BCAS1: variants seen among roughly 807,000 people sequenced by gnomAD.
BCAS1 encodes brain enriched myelin associated protein 1.
In BCAS1, 46 loss-of-function variants were observed where a neutral mutation model predicts 65.4. The ratio of observed to expected loss-of-function variants is 0.70; its 90% CI spans 0.55 to 0.90. The LOEUF is 0.90. Among genes scored for constraint, BCAS1 ranks in the 40% least tolerant of loss-of-function variants. The pLI is 0.00. For missense variants in BCAS1, 793 were observed against 771.2 expected, an observed-to-expected ratio of 1.03 and a Z score of -0.33; for synonymous variants, 298 against 293.5, an observed-to-expected ratio of 1.02 and a Z score of -0.16.
In BCAS1 at chr20:54,043,749, C is replaced by T. The variant is rs374113318; in HGVS notation, c.142+14336G>A. Among the ~76,000 whole-genome samples the T allele has an allele frequency of 1.5e-4, 23 of 152,288 alleles. 1 individual carries two copies. Among genetic ancestry groups the T allele is most frequent in the East Asian group, 7.7e-4 (4 of 5,180 alleles). On this transcript the variant is annotated intron_variant, in intron 3 of 12. Coordinates refer to ENST00000688948, the MANE Select transcript of BCAS1 (RefSeq NM_001366298.2). ...TTTCTGACTCAGGAGGTCTGGGCTCCGGCTACAGAAACTGCACATCTAACC... is the reference window on the plus strand; with the variant it reads ...TTTCTGACTCAGGAGGTCTGGGCTCTGGCTACAGAAACTGCACATCTAACC...
intron 12 of BCAS1, among the ~76,000 whole-genome samples, chr20:53,951,696 C>G (rs1161087282): frequency 6.6e-6 from 1 of 152,212 alleles, no homozygotes; most frequent in Non-Finnish European, 1.5e-5. Flanking sequence ...TTTGAGAAGA[C>G]TTGCGTTGGC....
At chr20:54,058,593 CTTTTTTTTT>C in intron 2 of BCAS1, 45 bp downstream of exon 2, 5 of 1,223,962 alleles carry the variant, frequency 4.1e-6, no homozygotes, top group Admixed American at 2.8e-5. Context: ...ACAGGAAGTT[CTTTTTTTTT>C]TTTTTTTTTT....
intron 4 of BCAS1, among the ~76,000 whole-genome samples, chr20:54,025,840 C>CA (rs781724391): frequency 2.2e-4 from 34 of 151,990 alleles, no homozygotes; most frequent in Admixed American, 4.6e-4. Context: ...ATTTATAGAA[C>CA]AATTGCTTTT....
rs745883165 is a variant in BCAS1, at chr20:53,995,002, A to C, written c.927+10T>G. 6.2e-7 allele frequency: 1 copy of C among 1,612,596 alleles called. No individual in the cohort carries two copies. Among genetic ancestry groups the C allele is most frequent in the African/African-American group, 1.3e-5 (1 of 74,734 alleles). On this transcript the variant is annotated intron_variant, in intron 6 of 12. Coordinates refer to ENST00000688948, the MANE Select transcript of BCAS1 (RefSeq NM_001366298.2). ...CCCAAATATATACATACACACTTCCAACTACCTACCGTGTCTTCTGGGTCC... is the reference window on the plus strand; with the variant it reads ...CCCAAATATATACATACACACTTCCCACTACCTACCGTGTCTTCTGGGTCC...
intron 11 of BCAS1, among the ~76,000 whole-genome samples, chr20:53,954,187 T>G (rs1418846275): frequency 2.0e-5 from 3 of 152,102 alleles, no homozygotes; most frequent in Non-Finnish European, 2.9e-5. Flanking sequence ...TTCTGTTAGA[T>G]CTGAAGCTGT....
intron 10 of BCAS1, among the ~76,000 whole-genome samples, chr20:53,958,965 G>A (rs2089787233): frequency 6.6e-6 from 1 of 152,194 alleles, no homozygotes. Context: ...ACTGTATGAA[G>A]TTGCTGAATG....
In BCAS1 at chr20:53,944,019, T is replaced by C. The variant is rs986312118; in HGVS notation, c.*903A>G. The C allele has an allele frequency of 6.6e-6, 1 of 152,136 alleles. No homozygotes were observed. Among genetic ancestry groups the C allele is most frequent in the African/African-American group, 2.4e-5 (1 of 41,422 alleles). The allele number at this position is 152,136 out of a possible 1,614,324, so 9.4% of individuals were successfully genotyped here. A position where few individuals can be genotyped will look rare whatever the true frequency, so the allele number is the denominator to read the frequency against. On this transcript the variant is annotated 3_prime_UTR_variant, in exon 13 of 13. Coordinates refer to ENST00000688948, the MANE Select transcript of BCAS1 (RefSeq NM_001366298.2). The stretch of plus-strand genomic sequence containing the variant: ...CGTTGTCACTGAGCCTCAAAAGCAA[T>C]TGTTTTCCCAAATCATTTTAAGCCC...
At chr20:53,989,069 G>C in intron 7 of BCAS1, among the ~76,000 whole-genome samples, 1 of 152,132 alleles carries the variant, frequency 6.6e-6, no homozygotes, top group East Asian at 1.9e-4. Flanking sequence ...TATTAACATG[G>C]TCTGTGTCTC....
chr20:53,963,523 A>G (rs1419612206), intron 10 of BCAS1, among the ~76,000 whole-genome samples: 1 of 152,120 alleles, frequency 6.6e-6, no homozygotes, highest in Non-Finnish European at 1.5e-5. Flanking sequence ...AAAGGATAGA[A>G]AGCAGAAAAT....
At chr20:54,033,364 GT>G (rs36074521) in intron 3 of BCAS1, among the ~76,000 whole-genome samples, 29,340 of 145,176 alleles carry the variant, frequency 0.2, 3,576 homozygotes, top group East Asian at 0.32. Flanking sequence ...TTCAGGAGCT[GT>G]TTTTTTTTTG....
At chr20:54,046,887 G>A (rs1438496248) in intron 3 of BCAS1, among the ~76,000 whole-genome samples, 2 of 151,666 alleles carry the variant, frequency 1.3e-5, no homozygotes, top group African/African-American at 4.8e-5. Context: ...GATAGGATCA[G>A]CTTATTTCTG....
intron 12 of BCAS1, 148 bp downstream of exon 12, chr20:53,953,284 G>C (rs527640957): frequency 5.5e-5 from 55 of 999,254 alleles, no homozygotes; most frequent in Non-Finnish European, 7.7e-5. Flanking sequence ...GAACCTGCTG[G>C]AAGTCACATA....
chr20:53,951,469 C>G (rs943738597), intron 12 of BCAS1, among the ~76,000 whole-genome samples: 6 of 152,198 alleles, frequency 3.9e-5, no homozygotes, highest in Admixed American at 2.0e-4. Flanking sequence ...GAAACTCCAT[C>G]TCAAAAAAAC....
At chr20:54,042,781 A>G (rs1262769377) in intron 3 of BCAS1, among the ~76,000 whole-genome samples, 1 of 152,244 alleles carries the variant, frequency 6.6e-6, no homozygotes, top group Non-Finnish European at 1.5e-5. Flanking sequence ...AAAAAATGAA[A>G]GTAGGGAACT....
intron 2 of BCAS1, 82 bp from the exon 3 acceptor site, chr20:54,058,236 G>T: frequency 2.4e-6 from 3 of 1,234,874 alleles, no homozygotes; most frequent in Non-Finnish European, 3.5e-6. Flanking sequence ...TAAGATACAA[G>T]GGTGTCTCAC....
chr20:53,990,057 G>C (rs957571324), intron 7 of BCAS1, among the ~76,000 whole-genome samples: 1 of 152,096 alleles, frequency 6.6e-6, no homozygotes, highest in Non-Finnish European at 1.5e-5. Context: ...ATAAATTTTC[G>C]TCTTGTTTTC....
chr20:54,061,158 C>G lies in BCAS1; in HGVS notation c.-5-2435G>C, dbSNP rs528390868. 4.6e-5 allele frequency among the ~76,000 whole-genome samples: 7 copies of G among 152,142 alleles called. No individual in the cohort carries two copies. In the East Asian group the frequency reaches 1.4e-3, roughly 29 times the overall value. ...GATTTCATTCTTCATATGAGGTAGCCGAAACTCGAGGGGGTTAAATCATTT... is the reference window on the plus strand; with the variant it reads ...GATTTCATTCTTCATATGAGGTAGCGGAAACTCGAGGGGGTTAAATCATTT... On this transcript the variant is annotated intron_variant, in intron 1 of 12. Transcript: ENST00000688948.
At chr20:53,945,052 A>G (rs2089267285) in intron 12 of BCAS1, 56 bp from the exon 13 acceptor site, 2 of 1,427,502 alleles carry the variant, frequency 1.4e-6, no homozygotes, top group East Asian at 4.5e-5. Context: ...TGTCAACAGC[A>G]ACAATGGCCA....
chr20:53,973,081 A>G (rs1025584802), intron 9 of BCAS1, among the ~76,000 whole-genome samples: 1 of 152,202 alleles, frequency 6.6e-6, no homozygotes, highest in African/African-American at 2.4e-5. Flanking sequence ...TACAAAAATT[A>G]GCCAGGCATG....
Sources: allele counts gnomAD v4.1 joint callset (sites outside exome capture counted in the v4.1 genomes callset), GRCh38; gene constraint gnomAD v4.1.1; transcripts MANE v1.5; gene names NCBI Gene and HGNC (gene_info 2026-07-23, HGNC 2026-07-21).